The following LARGE1 variants were observed in gnomAD, a reference collection of about 807,000 sequenced individuals.
The protein encoded by LARGE1 is xylosyl- and glucuronyltransferase LARGE1.
Under a neutral mutation model 87.6 loss-of-function variants are expected in LARGE1, and 43 were observed. The ratio of observed to expected loss-of-function variants is 0.49; its 90% CI spans 0.38 to 0.63. The LOEUF (loss-of-function observed/expected upper bound fraction) is 0.63. LARGE1 is among the 30% of genes least tolerant of loss of function. LARGE1 has a pLI of 0.00. For missense variants in LARGE1, 802 were observed against 1,000.2 expected, an observed-to-expected ratio of 0.80 and a Z score of 2.67; for synonymous variants, 434 against 394.6, an observed-to-expected ratio of 1.10 and a Z score of -1.18.
the LARGE1 span, among the ~76,000 whole-genome samples, chr22:33,150,273 C>T: frequency 1.3e-5 from 2 of 152,234 alleles, no homozygotes; most frequent in East Asian, 1.9e-4. Context: ...GCTAAATAAA[C>T]CCCTCATTTT....
intron 1 of LARGE1, among the ~76,000 whole-genome samples, chr22:33,785,760 C>T (rs1394728319): frequency 2.0e-5 from 3 of 151,928 alleles, no homozygotes; most frequent in East Asian, 1.9e-4. Flanking sequence ...AGCTGATGAA[C>T]GGAAAGGGTC....
chr22:33,189,217 G>A (rs1203146766), intron 11 of LARGE1, among the ~76,000 whole-genome samples: 1 of 152,188 alleles, frequency 6.6e-6, no homozygotes, highest in Non-Finnish European at 1.5e-5. Context: ...ATCCTGATAA[G>A]AATTAGCACA....
chr22:33,311,998 C>T (rs1289603597), intron 11 of LARGE1, among the ~76,000 whole-genome samples: 6 of 152,118 alleles, frequency 3.9e-5, no homozygotes. Flanking sequence ...TGCCTTTTTA[C>T]CCAATATCAC....
chr22:33,919,929 G>A (rs1382719429), intron 1 of LARGE1, 66 bp downstream of exon 1: 1 of 152,306 alleles, frequency 6.6e-6, no homozygotes, highest in East Asian at 1.9e-4. Flanking sequence ...CACAGGTTCG[G>A]AGAACTTGTC....
intron 1 of LARGE1, among the ~76,000 whole-genome samples, chr22:33,803,895 C>A (rs570399718): frequency 6.6e-6 from 1 of 152,316 alleles, no homozygotes; most frequent in Non-Finnish European, 1.5e-5. Flanking sequence ...AGTTTAAGCA[C>A]AGTGACCCAG....
At chr22:33,332,546 G>A (rs1481828200) in intron 10 of LARGE1, among the ~76,000 whole-genome samples, 1 of 152,120 alleles carries the variant, frequency 6.6e-6, no homozygotes, top group Non-Finnish European at 1.5e-5. Context: ...TCCCATCTAG[G>A]ATCTCAAGTC....
chr22:33,298,307 G>A (rs969656041), intron 12 of LARGE1, among the ~76,000 whole-genome samples: 3 of 152,220 alleles, frequency 2.0e-5, no homozygotes, highest in Admixed American at 6.5e-5. Context: ...CCTGTTCACT[G>A]TTCTAGCCCC....
chr22:33,717,192 C>T (rs984035583), intron 2 of LARGE1, among the ~76,000 whole-genome samples: 2 of 152,134 alleles, frequency 1.3e-5, no homozygotes, highest in African/African-American at 4.8e-5. Flanking sequence ...CACCCACTCA[C>T]TTACCTTCCT....
intron 2 of LARGE1, among the ~76,000 whole-genome samples, chr22:33,752,148 G>A (rs114220746): frequency 0.012 from 1,818 of 152,164 alleles, 36 homozygotes; most frequent in African/African-American, 0.042. Context: ...TATAAATAAC[G>A]CTGATGTGAG....
At chr22:33,536,754 G>T (rs756966641) in intron 6 of LARGE1, among the ~76,000 whole-genome samples, 22 of 152,216 alleles carry the variant, frequency 1.4e-4, no homozygotes. Flanking sequence ...TTTCACACAT[G>T]AGGAAACTGA....
At chr22:33,454,662 G>C (rs1601912652) in intron 6 of LARGE1, among the ~76,000 whole-genome samples, 1 of 151,420 alleles carries the variant, frequency 6.6e-6, no homozygotes, top group East Asian at 1.9e-4. Context: ...GGTTTAATTG[G>C]CTCATGGTTC....
At chr22:33,651,092 A>G (rs896560273) in intron 2 of LARGE1, among the ~76,000 whole-genome samples, 14 of 151,808 alleles carry the variant, frequency 9.2e-5, no homozygotes, top group African/African-American at 3.4e-4. Context: ...TAATAAGGAA[A>G]AAATAATAGG....
At chr22:33,576,418 T>A (rs1027697344) in intron 5 of LARGE1, among the ~76,000 whole-genome samples, 2 of 152,180 alleles carry the variant, frequency 1.3e-5, no homozygotes, top group African/African-American at 4.8e-5. Context: ...TCAGAAAGGA[T>A]GGTCACAGCT....
intron 7 of LARGE1, among the ~76,000 whole-genome samples, chr22:33,427,612 T>C (rs2066923552): frequency 6.6e-6 from 1 of 152,226 alleles, no homozygotes; most frequent in Admixed American, 6.5e-5. Context: ...AATGAATGTG[T>C]AGTGAAGAGG....
chr22:33,679,143 C>T (rs1390655318), intron 2 of LARGE1, among the ~76,000 whole-genome samples: 2 of 152,182 alleles, frequency 1.3e-5, no homozygotes, highest in African/African-American at 4.8e-5. Context: ...TTATTTTGGT[C>T]ATCCCCTTAT....
chr22:33,850,850 A>C (rs990837210), intron 1 of LARGE1, among the ~76,000 whole-genome samples: 15 of 151,982 alleles, frequency 9.9e-5, no homozygotes. Flanking sequence ...CCTCTCTCTT[A>C]TGCCCCTCCC....
At chr22:33,882,727 G>C (rs1040227437) in intron 1 of LARGE1, among the ~76,000 whole-genome samples, 1 of 152,204 alleles carries the variant, frequency 6.6e-6, no homozygotes, top group Admixed American at 6.5e-5. Flanking sequence ...TGTGAGATTT[G>C]ATCATGGGAC....
chr22:33,358,847 A>C (rs958342239), intron 9 of LARGE1, among the ~76,000 whole-genome samples: 13 of 151,824 alleles, frequency 8.6e-5, no homozygotes, highest in African/African-American at 3.1e-4. Context: ...AACAACAAAA[A>C]ATTAGCCAGG....
intron 2 of LARGE1, among the ~76,000 whole-genome samples, chr22:33,660,962 C>G (rs1489129021): frequency 6.6e-6 from 1 of 151,970 alleles, no homozygotes; most frequent in Non-Finnish European, 1.5e-5. Context: ...TGAGGCGAAT[C>G]ACACGTGCTA....
Sources: allele counts gnomAD v4.1 joint callset (sites outside exome capture counted in the v4.1 genomes callset), GRCh38; gene constraint gnomAD v4.1.1; transcripts MANE v1.5; gene names NCBI Gene and HGNC (gene_info 2026-07-23, HGNC 2026-07-21).